ZBTB16: variants seen among roughly 807,000 people sequenced by gnomAD.
ZBTB16 encodes zinc finger and BTB domain-containing protein 16.
A neutral mutation model predicts 56.8 loss-of-function variants in ZBTB16; 8 were observed. The observed-to-expected ratio is 0.14, with a 90% CI of 0.08 to 0.25. The LOEUF (loss-of-function observed/expected upper bound fraction) is 0.25. ZBTB16 is among the 10% of genes least tolerant of loss of function. ZBTB16 has a pLI of 1.00. For missense variants in ZBTB16, 625 were observed against 903.0 expected (o/e 0.69, Z 3.95); for synonymous variants, 363 against 368.5 (o/e 0.98, Z 0.17).
intron 4 of ZBTB16, among the ~76,000 whole-genome samples, chr11:114,216,537 G>A (rs1944101973): frequency 1.3e-5 from 2 of 152,186 alleles, no homozygotes; most frequent in African/African-American, 4.8e-5. Context: ...TTTTGTGGGG[G>A]AATGTACACC....
intron 3 of ZBTB16, among the ~76,000 whole-genome samples, chr11:114,168,064 T>A (rs1256111521): frequency 6.6e-6 from 1 of 152,180 alleles, no homozygotes; most frequent in Non-Finnish European, 1.5e-5. Context: ...ACATAGCTAT[T>A]TATTTGCTTG....
intron 3 of ZBTB16, among the ~76,000 whole-genome samples, chr11:114,185,327 C>T (rs1943336725): frequency 6.6e-6 from 1 of 152,128 alleles, no homozygotes; most frequent in African/African-American, 2.4e-5. Context: ...CAAACTGTGG[C>T]CTTGAAAATG....
intron 2 of ZBTB16, among the ~76,000 whole-genome samples, chr11:114,122,213 A>G (rs1941364535): frequency 6.6e-6 from 1 of 152,188 alleles, no homozygotes; most frequent in Admixed American, 6.5e-5. Flanking sequence ...TAATAGATCT[A>G]TGGCTCAGGA....
intron 4 of ZBTB16, chr11:114,209,805 G>A (rs541165445): frequency 2.6e-5 from 26 of 985,412 alleles, no homozygotes; most frequent in African/African-American, 2.6e-4. Context: ...AAATGGGTTC[G>A]AGAGAGGCAT....
At chr11:114,115,474 G>A (rs185029045) in intron 2 of ZBTB16, among the ~76,000 whole-genome samples, 3 of 151,896 alleles carry the variant, frequency 2.0e-5, no homozygotes. Context: ...GTGAGCAGGC[G>A]AGAGTCCCAC....
chr11:114,089,052 C>T (rs1490274794), intron 2 of ZBTB16, among the ~76,000 whole-genome samples: 1 of 152,244 alleles, frequency 6.6e-6, no homozygotes, highest in Non-Finnish European at 1.5e-5. Flanking sequence ...TTTTCTCCCT[C>T]CTCACCCCCA....
At chr11:114,089,911 C>T (rs1269065738) in intron 2 of ZBTB16, among the ~76,000 whole-genome samples, 1 of 152,198 alleles carries the variant, frequency 6.6e-6, no homozygotes, top group African/African-American at 2.4e-5. Flanking sequence ...GGTCTCTGCC[C>T]CTGCTTGCAG....
At chr11:114,196,541 C>T (rs1248277125) in intron 4 of ZBTB16, among the ~76,000 whole-genome samples, 1 of 152,188 alleles carries the variant, frequency 6.6e-6, no homozygotes, top group Non-Finnish European at 1.5e-5. Flanking sequence ...TCAACCTGCC[C>T]TGCAAGGTCT....
intron 4 of ZBTB16, chr11:114,209,431 C>G: frequency 1.0e-6 from 1 of 985,232 alleles, no homozygotes; most frequent in Non-Finnish European, 1.2e-6. Context: ...AACAGGAGAC[C>G]CCGGTGCCTG....
intron 2 of ZBTB16, among the ~76,000 whole-genome samples, chr11:114,085,892 A>G (rs1252772877): frequency 2.0e-5 from 3 of 152,124 alleles, no homozygotes; most frequent in African/African-American, 4.8e-5. Context: ...GGCGCACTTG[A>G]TAGGGGTTGG....
At chr11:114,104,735 T>G (rs1940730411) in intron 2 of ZBTB16, among the ~76,000 whole-genome samples, 2 of 152,348 alleles carry the variant, frequency 1.3e-5, no homozygotes, top group East Asian at 3.9e-4. Context: ...TCATTGTAGC[T>G]TCTGCATCAT....
At position 114,095,256 on chromosome 11, in the gene ZBTB16, T is replaced by C. The variant is rs1202977353; in HGVS notation, c.1268+30688T>C. 1.3e-4 allele frequency among the ~76,000 whole-genome samples: 17 copies of C among 132,744 alleles called. 1 individual carries two copies. The highest frequency in any genetic ancestry group is 2.2e-4 in the Non-Finnish European group (14 of 63,492). 87.1% of individuals were successfully genotyped at this position (132,744 alleles called of 152,430 possible). On this transcript the variant is annotated intron_variant, in intron 2 of 6. Transcript: ENST00000335953. ...TTTTCTTTTCTTTTCTTTTTTTTTT[T>C]TTTTTTTTTTTTTTTGTGATGGAGT...
At chr11:114,218,394 A>G (rs1228713352) in intron 4 of ZBTB16, among the ~76,000 whole-genome samples, 2 of 152,206 alleles carry the variant, frequency 1.3e-5, no homozygotes, top group South Asian at 2.1e-4. Flanking sequence ...GGGGCTTTAC[A>G]TTTCCTGAAA....
At chr11:114,186,175 G>T (rs1943356493) in intron 3 of ZBTB16, among the ~76,000 whole-genome samples, 1 of 152,136 alleles carries the variant, frequency 6.6e-6, no homozygotes, top group Non-Finnish European at 1.5e-5. Context: ...ATGTATGAAT[G>T]ACGAACAGGA....
intron 4 of ZBTB16, among the ~76,000 whole-genome samples, chr11:114,216,254 G>A (rs911095960): frequency 5.3e-5 from 8 of 152,226 alleles, no homozygotes; most frequent in African/African-American, 1.4e-4. Flanking sequence ...ATGCAGAAGT[G>A]TCCCTGTTCT....
intron 2 of ZBTB16, among the ~76,000 whole-genome samples, chr11:114,093,527 C>T (rs368729925): frequency 4.5e-4 from 69 of 152,240 alleles, no homozygotes; most frequent in Non-Finnish European, 6.9e-4. Context: ...GAAGAAGCAA[C>T]GGGACCCCTA....
At chr11:114,146,010 A>G (rs1275323019) in intron 2 of ZBTB16, among the ~76,000 whole-genome samples, 1 of 152,202 alleles carries the variant, frequency 6.6e-6, no homozygotes, top group Non-Finnish European at 1.5e-5. Context: ...ATGATGGAAA[A>G]TTGCGTTGAT....
chr11:114,101,244 A>G (rs531056164), intron 2 of ZBTB16, among the ~76,000 whole-genome samples: 44 of 152,140 alleles, frequency 2.9e-4, no homozygotes, highest in Middle Eastern at 6.8e-3. Context: ...GGCTCAAACA[A>G]TCTTCCCTCC....
intron 4 of ZBTB16, among the ~76,000 whole-genome samples, chr11:114,226,171 T>A (rs1022041877): frequency 1.4e-4 from 22 of 152,216 alleles, no homozygotes; most frequent in African/African-American, 5.1e-4. Context: ...TTGAGGTGCA[T>A]GAGTGAGTCA....
Sources: gnomAD v4.1 joint callset for allele counts (sites outside exome capture counted in the v4.1 genomes callset) on GRCh38, gnomAD v4.1.1 for gene constraint, MANE v1.5 for transcripts, NCBI Gene and HGNC (gene_info 2026-07-23, HGNC 2026-07-21) for gene names.